NPAS3: variants seen among roughly 807,000 people sequenced by gnomAD.
NPAS3 encodes the protein neuronal PAS domain-containing protein 3.
NPAS3 carries 14 observed loss-of-function variants against 73.1 expected under a neutral mutation model. The ratio of observed to expected loss-of-function variants is 0.19; its 90% CI spans 0.13 to 0.30. The LOEUF is 0.30. Ranked by LOEUF, NPAS3 falls within the 10% of genes least tolerant of loss-of-function variation. The pLI, the probability that NPAS3 is intolerant of heterozygous loss-of-function variation, is 1.00. For missense variants in NPAS3, 1,096 were observed against 1,250.0 expected, an observed-to-expected ratio of 0.88 and a Z score of 1.86; for synonymous variants, 620 against 541.5, an observed-to-expected ratio of 1.14 and a Z score of -2.01.
rs78625511 is a variant in NPAS3 at position 33,577,429 on chromosome 14, A to G, written c.558+17219A>G. 6.9e-3 allele frequency among the ~76,000 whole-genome samples: 1,053 copies of G among 152,192 alleles called. 50 individuals carry two copies. The East Asian group carries it at 0.16, about 22-fold the overall frequency. On this transcript the variant is annotated intron_variant, in intron 5 of 11. Transcript: ENST00000356141. ...CCAGGTACAGCCCATCACGGACTCT[A>G]TGGTCTATAAAGAGGGGGGAGGTTT...
intron 3 of NPAS3, among the ~76,000 whole-genome samples, chr14:33,241,581 T>C (rs243286): frequency 0.51 from 76,655 of 151,696 alleles, 19,834 homozygotes; most frequent in East Asian, 0.71. Flanking sequence ...AAGGACATTT[T>C]GCTATTACAA....
chr14:33,147,701 T>G (rs1232778763), intron 2 of NPAS3, among the ~76,000 whole-genome samples: 2 of 141,648 alleles, frequency 1.4e-5, no homozygotes, highest in Admixed American at 7.1e-5. Flanking sequence ...ATTGTGCACA[T>G]GTACCCTAGA....
intron 4 of NPAS3, among the ~76,000 whole-genome samples, chr14:33,398,116 A>G (rs1229891222): frequency 6.6e-6 from 1 of 152,014 alleles, no homozygotes; most frequent in Non-Finnish European, 1.5e-5. Flanking sequence ...TTCTAGTGGC[A>G]GCTGGGTCTT....
Position 33,355,004 on chromosome 14 carries a change from A to T in NPAS3, c.386-12182A>T, listed in dbSNP as rs367573002. On this transcript the variant is annotated intron_variant, in intron 3 of 11. Coordinates refer to ENST00000356141, the Ensembl canonical transcript of NPAS3. The stretch of plus-strand genomic sequence containing the variant: ...GTCCCTCTGTGCTCTAACTTTTCAG[A>T]TGGATGCCGAATGCCGTGTGTGAAC... Among the ~76,000 whole-genome samples, 6 of 151,888 alleles carry T rather than the reference A, an allele frequency of 4.0e-5. No homozygotes were observed. The East Asian group carries it at 9.7e-4, about 24-fold the overall frequency.
At chr14:33,138,410 C>A (rs1250163438) in intron 2 of NPAS3, among the ~76,000 whole-genome samples, 1 of 152,056 alleles carries the variant, frequency 6.6e-6, no homozygotes, top group African/African-American at 2.4e-5. Context: ...ACATATAAAG[C>A]TATAAGCTAA....
At chr14:33,056,130 A>T in intron 2 of NPAS3, 136 bp downstream of exon 2, 1 of 541,442 alleles carries the variant, frequency 1.8e-6, no homozygotes, top group Admixed American at 3.4e-5. Context: ...ACAAAAAAAC[A>T]AACCAACAAA....
chr14:33,592,813 C>A (rs2057114710), intron 5 of NPAS3, among the ~76,000 whole-genome samples: 1 of 152,102 alleles, frequency 6.6e-6, no homozygotes, highest in Admixed American at 6.5e-5. Flanking sequence ...ACGAAACTGG[C>A]CATGCTGTCT....
At chr14:33,722,450 T>G (rs1209028426) in intron 6 of NPAS3, among the ~76,000 whole-genome samples, 2 of 152,192 alleles carry the variant, frequency 1.3e-5, no homozygotes, top group East Asian at 3.9e-4. Context: ...CTTGGGAAGA[T>G]TATTCATAAC....
At chr14:33,049,880 T>C (rs8006395) in intron 1 of NPAS3, among the ~76,000 whole-genome samples, 24,204 of 152,144 alleles carry the variant, frequency 0.16, 2,161 homozygotes, top group East Asian at 0.3. Context: ...ATTACTTCCC[T>C]TTTGTCTGAT....
chr14:33,763,845 G>A (rs576159908), intron 7 of NPAS3, among the ~76,000 whole-genome samples: 1 of 145,110 alleles, frequency 6.9e-6, no homozygotes, highest in Non-Finnish European at 1.5e-5. Flanking sequence ...GGGAGTATTG[G>A]TTTTTTTTTT....
At chr14:33,009,071 G>A (rs192933748) in intron 1 of NPAS3, among the ~76,000 whole-genome samples, 8 of 152,224 alleles carry the variant, frequency 5.3e-5, no homozygotes, top group African/African-American at 1.2e-4. Flanking sequence ...GGATAACAAC[G>A]TAAAAATAAT....
chr14:33,710,568 C>T (rs1387049735), intron 6 of NPAS3, among the ~76,000 whole-genome samples: 2 of 152,258 alleles, frequency 1.3e-5, no homozygotes, highest in South Asian at 2.1e-4. Context: ...ACGAATGGCT[C>T]AGTCTCATCA....
At chr14:33,135,957 A>G (rs2043815119) in intron 2 of NPAS3, among the ~76,000 whole-genome samples, 1 of 152,152 alleles carries the variant, frequency 6.6e-6, no homozygotes, top group African/African-American at 2.4e-5. Flanking sequence ...ACTGGACACA[A>G]TAGGTTGTCT....
At chr14:32,995,371 C>A (rs1305035160) in intron 1 of NPAS3, among the ~76,000 whole-genome samples, 3 of 152,218 alleles carry the variant, frequency 2.0e-5, no homozygotes, top group Non-Finnish European at 4.4e-5. Context: ...ATTGTGCCTA[C>A]TTCTCTGATT....
At chr14:33,608,775 G>A (rs879704177) in intron 5 of NPAS3, 1 of 152,144 alleles carries the variant, frequency 6.6e-6, no homozygotes, top group Non-Finnish European at 1.5e-5. Context: ...GCTTTAGTGA[G>A]ACCAGTCATT....
chr14:32,979,179 T>G (rs2037802603), intron 1 of NPAS3, among the ~76,000 whole-genome samples: 1 of 152,204 alleles, frequency 6.6e-6, no homozygotes, highest in South Asian at 2.1e-4. Context: ...TGCTTTATTT[T>G]AATAGTTATT....
chr14:33,449,752 C>T (rs1391517290), intron 4 of NPAS3, among the ~76,000 whole-genome samples: 1 of 152,186 alleles, frequency 6.6e-6, no homozygotes, highest in Non-Finnish European at 1.5e-5. Flanking sequence ...GGATTACCCT[C>T]TTTTATTCCC....
chr14:33,344,982 G>A (rs928055518), intron 3 of NPAS3, among the ~76,000 whole-genome samples: 1 of 152,184 alleles, frequency 6.6e-6, no homozygotes, highest in African/African-American at 2.4e-5. Context: ...GGATAGTGAA[G>A]GGCAAGGGTC....
chr14:33,676,420 G>C (rs749152276), intron 6 of NPAS3, 35 bp downstream of exon 6: 1 of 1,517,078 alleles, frequency 6.6e-7, no homozygotes, highest in East Asian at 2.3e-5. Context: ...GGGTTGGTGG[G>C]CAGGACCTTT....
Sources: gnomAD v4.1 joint callset for allele counts (sites outside exome capture counted in the v4.1 genomes callset) on GRCh38, gnomAD v4.1.1 for gene constraint, MANE v1.5 for transcripts, NCBI Gene and HGNC (gene_info 2026-07-23, HGNC 2026-07-21) for gene names.